EIPR1: variants seen among roughly 807,000 people sequenced by gnomAD.
EIPR1 encodes the protein EARP and GARP complex-interacting protein 1.
EIPR1 carries 25 observed loss-of-function variants against 48.1 expected under a neutral mutation model. The observed-to-expected ratio is 0.52, with a 90% CI of 0.38 to 0.73. EIPR1 has a LOEUF of 0.73. Ranked by LOEUF, EIPR1 falls within the 30% of genes least tolerant of loss-of-function variation. The probability of loss-of-function intolerance (pLI) is 0.00; values close to 1 mark genes in which losing one functional copy is unlikely to be tolerated. For synonymous variants in EIPR1, 204 were observed against 201.9 expected (o/e 1.01, Z -0.09); for missense variants, 415 against 506.2 (o/e 0.82, Z 1.73).
intron 3 of EIPR1, among the ~76,000 whole-genome samples, chr2:3,314,057 G>A (rs937236158): frequency 7.9e-5 from 12 of 152,252 alleles, no homozygotes; most frequent in South Asian, 2.1e-4. Context: ...AGCACCACCC[G>A]GGGAGCAACA....
rs1287249929 is a variant in EIPR1 at position 3,298,891 on chromosome 2, C to A, written c.259+39126G>T. Among the ~76,000 whole-genome samples the A allele has an allele frequency of 2.0e-5, 3 of 152,138 alleles. No individual in the cohort carries two copies. In the East Asian group the frequency reaches 5.8e-4, roughly 29 times the overall value. ...CTCTGGGACAGCTGCAGACGTCAAG[C>A]CCAGCCTTCCAGGGGACATCGTCTG... On this transcript the variant is annotated intron_variant, in intron 3 of 8. Coordinates refer to ENST00000382125, the MANE Select transcript of EIPR1 (RefSeq NM_003310.5).
chr2:3,275,582 T>C (rs2694083), intron 3 of EIPR1, among the ~76,000 whole-genome samples: 86,671 of 151,918 alleles, frequency 0.57, 25,097 homozygotes, highest in East Asian at 0.75. Context: ...AATCTCAATA[T>C]ATTTCAAAGA....
At chr2:3,375,758 C>T (rs1220097638) in intron 1 of EIPR1, among the ~76,000 whole-genome samples, 3 of 152,130 alleles carry the variant, frequency 2.0e-5, no homozygotes, top group East Asian at 1.9e-4. Context: ...TCTCTTCATC[C>T]GTAAAACAGG....
intron 3 of EIPR1, among the ~76,000 whole-genome samples, chr2:3,262,502 G>T (rs190455532): frequency 7.9e-5 from 12 of 152,342 alleles, no homozygotes; most frequent in African/African-American, 2.4e-4. Context: ...ACCTAGGAAG[G>T]CTGGACCAGC....
In EIPR1 at chr2:3,218,442, C is replaced by T. The variant is rs572048746; in HGVS notation, c.417-4194G>A. On this transcript the variant is annotated intron_variant, in intron 4 of 8. Coordinates refer to ENST00000382125, the MANE Select transcript of EIPR1 (RefSeq NM_003310.5). ...CAGTGAGTCAGGTGCACACCCAACACGGCCCCGATACGCTCTAGAGCATTC... is the reference window on the plus strand; with the variant it reads ...CAGTGAGTCAGGTGCACACCCAACATGGCCCCGATACGCTCTAGAGCATTC... 2.5e-4 allele frequency among the ~76,000 whole-genome samples: 36 copies of T among 142,788 alleles called. 2 individuals are homozygous for T. In the East Asian group the frequency reaches 5.1e-3, roughly 20 times the overall value. 93.7% of individuals were successfully genotyped at this position (142,788 alleles called of 152,430 possible).
chr2:3,277,902 C>A (rs552403450), intron 3 of EIPR1, among the ~76,000 whole-genome samples: 4 of 152,310 alleles, frequency 2.6e-5, no homozygotes, highest in African/African-American at 9.6e-5. Context: ...ACTAACCAAG[C>A]GGCACTTCCT....
intron 4 of EIPR1, among the ~76,000 whole-genome samples, chr2:3,256,605 T>C (rs1372041614): frequency 2.0e-5 from 3 of 152,268 alleles, no homozygotes; most frequent in Non-Finnish European, 2.9e-5. Context: ...TATGTGTTAA[T>C]GCATTAAGTA....
intron 4 of EIPR1, among the ~76,000 whole-genome samples, chr2:3,236,674 G>T (rs561571868): frequency 2.6e-5 from 4 of 152,106 alleles, no homozygotes; most frequent in African/African-American, 4.8e-5. Flanking sequence ...CAGGCCCTGG[G>T]CTACCTGGAC....
intron 4 of EIPR1, among the ~76,000 whole-genome samples, chr2:3,228,253 C>A (rs1666127813): frequency 6.6e-6 from 1 of 152,260 alleles, no homozygotes; most frequent in African/African-American, 2.4e-5. Context: ...ATCAGCATGA[C>A]CTGCATGTGA....
chr2:3,330,404 G>T (rs1669850380), intron 3 of EIPR1, among the ~76,000 whole-genome samples: 1 of 152,208 alleles, frequency 6.6e-6, no homozygotes, highest in Non-Finnish European at 1.5e-5. Flanking sequence ...GAGCAAGGGG[G>T]ACACAGAGCC....
intron 8 of EIPR1, among the ~76,000 whole-genome samples, chr2:3,190,132 CTG>C (rs1445346632): frequency 6.6e-6 from 1 of 152,114 alleles, no homozygotes; most frequent in Non-Finnish European, 1.5e-5. Context: ...CCTCCCTTGA[CTG>C]TGAGTTACCC....
At chr2:3,302,271 C>T (rs764219453) in intron 3 of EIPR1, among the ~76,000 whole-genome samples, 6 of 152,112 alleles carry the variant, frequency 3.9e-5, no homozygotes, top group Non-Finnish European at 8.8e-5. Flanking sequence ...TCAGAGTCAC[C>T]GCCTGATATT....
intron 5 of EIPR1, among the ~76,000 whole-genome samples, chr2:3,211,363 G>T (rs112730781): frequency 6.6e-6 from 1 of 152,012 alleles, no homozygotes; most frequent in Admixed American, 6.6e-5. Context: ...AAGGTGCGCC[G>T]GCAAGGAGCC....
rs1444855727 is a variant in EIPR1, at chr2:3,269,297, A to G, written c.260-11842T>C. Among the ~76,000 whole-genome samples, 44 of 129,928 alleles carry G rather than the reference A, an allele frequency of 3.4e-4. 5 individuals carry two copies. Among genetic ancestry groups the G allele is most frequent in the African/African-American group, 1.2e-3 (42 of 34,332 alleles). The allele number at this position is 129,928 out of a possible 152,430, so 85.2% of individuals were successfully genotyped here. On this transcript the variant is annotated intron_variant, in intron 3 of 8. Coordinates refer to ENST00000382125, the MANE Select transcript of EIPR1 (RefSeq NM_003310.5). ...CTCAGTCATGGCACTCAGTCATGGC[A>G]CTCAGTCATCGCACTCAGTCATCGC...
intron 3 of EIPR1, among the ~76,000 whole-genome samples, chr2:3,307,852 AAC>A (rs1351768625): frequency 6.6e-6 from 1 of 152,250 alleles, no homozygotes; most frequent in Non-Finnish European, 1.5e-5. Flanking sequence ...TAATGTTCCC[AAC>A]ACAAAGGAAA....
intron 3 of EIPR1, among the ~76,000 whole-genome samples, chr2:3,324,977 A>C (rs1669650383): frequency 6.6e-6 from 1 of 152,216 alleles, no homozygotes. Context: ...ACCCTCAGCA[A>C]GGCCAAAGAA....
Position 3,287,628 on chromosome 2 carries a change from T to TTCGTTCACCACGCTCCGGAAAGC in EIPR1, c.260-30196_260-30174dup, listed in dbSNP as rs1558275024. Among the ~76,000 whole-genome samples, 71 of 113,366 alleles carry TTCGTTCACCACGCTCCGGAAAGC rather than the reference T, an allele frequency of 6.3e-4. 1 individual carries two copies. In the East Asian group the frequency reaches 0.018, roughly 29 times the overall value. The allele number at this position is 113,366 out of a possible 152,430, so 74.4% of individuals were successfully genotyped here. On this transcript the variant is annotated intron_variant, in intron 3 of 8. Transcript: ENST00000382125. ...GAAAGTTCATTCAGGCTCCAGAAAG[T>TTCGTTCACCACGCTCCGGAAAGC]TCGTTCACCACGCTCCGGAAAGCTC...
chr2:3,330,564 C>T (rs954110660), intron 3 of EIPR1, among the ~76,000 whole-genome samples: 9 of 151,802 alleles, frequency 5.9e-5, no homozygotes, highest in Middle Eastern at 6.8e-3. Context: ...GGTAGGAATG[C>T]GCACACTCAC....
At chr2:3,363,953 C>T (rs1382312932) in intron 1 of EIPR1, among the ~76,000 whole-genome samples, 1 of 152,006 alleles carries the variant, frequency 6.6e-6, no homozygotes, top group Non-Finnish European at 1.5e-5. Context: ...AAATCAAAAC[C>T]ATAATGAGAT....
Sources: allele counts gnomAD v4.1 joint callset (sites outside exome capture counted in the v4.1 genomes callset), GRCh38; gene constraint gnomAD v4.1.1; transcripts MANE v1.5; gene names NCBI Gene and HGNC (gene_info 2026-07-23, HGNC 2026-07-21).